The following AGPAT3 variants were observed in gnomAD, a reference collection of about 807,000 sequenced individuals.
AGPAT3 encodes the protein 1-acyl-sn-glycerol-3-phosphate acyltransferase gamma.
In AGPAT3, 5 loss-of-function variants were observed where a neutral mutation model predicts 47.3. The observed-to-expected ratio is 0.11, with a 90% confidence interval of 0.06 to 0.22. The LOEUF is 0.22. Among genes scored for constraint, AGPAT3 ranks in the 10% least tolerant of loss-of-function variants. The pLI is 1.00. For missense variants in AGPAT3, 315 were observed against 493.0 expected, an observed-to-expected ratio of 0.64 and a Z score of 3.42; for synonymous variants, 212 against 208.3, an observed-to-expected ratio of 1.02 and a Z score of -0.15.
At chr21:43,950,520 G>A (rs183792237) in intron 2 of AGPAT3, among the ~76,000 whole-genome samples, 28 of 152,262 alleles carry the variant, frequency 1.8e-4, no homozygotes, top group Admixed American at 3.3e-4. Context: ...TAGTATCTTC[G>A]CTGCTTACCA....
At chr21:43,944,621 C>T (rs2087802456) in intron 2 of AGPAT3, among the ~76,000 whole-genome samples, 1 of 152,250 alleles carries the variant, frequency 6.6e-6, no homozygotes, top group Non-Finnish European at 1.5e-5. Flanking sequence ...GTTCCTCAGA[C>T]AGGAGATGCA....
intron 2 of AGPAT3, among the ~76,000 whole-genome samples, chr21:43,923,899 C>T (rs2086971414): frequency 6.6e-6 from 1 of 152,174 alleles, no homozygotes; most frequent in Non-Finnish European, 1.5e-5. Context: ...TCCTGGAGGA[C>T]GGCAGGGGGC....
intron 8 of AGPAT3, 114 bp from the exon 9 acceptor site, chr21:43,980,875 C>A: frequency 1.0e-6 from 1 of 1,001,616 alleles, no homozygotes; most frequent in Non-Finnish European, 1.5e-6. Flanking sequence ...TCTTAATTGA[C>A]GTGGCGCTTT....
intron 2 of AGPAT3, among the ~76,000 whole-genome samples, chr21:43,929,517 C>T (rs1391367796): frequency 6.6e-6 from 1 of 152,228 alleles, no homozygotes; most frequent in Non-Finnish European, 1.5e-5. Flanking sequence ...ATGTGAAGGG[C>T]AAGTGGGATT....
At chr21:43,899,560 G>A (rs771430058) in intron 1 of AGPAT3, among the ~76,000 whole-genome samples, 7 of 152,182 alleles carry the variant, frequency 4.6e-5, no homozygotes, top group South Asian at 4.1e-4. Context: ...TACCGAGTGC[G>A]TTGGGGAGGG....
rs1027035401 is a variant in AGPAT3, at chr21:43,880,502, T to C, written c.-112+15157T>C. ...CCAGGAGCTCAGCTTTGATCTTGAG[T>C]GCTGGTGGCTGTCCAGCTTTACTGG... On this transcript the variant is annotated intron_variant, in intron 1 of 9. Coordinates refer to ENST00000291572, the MANE Select transcript of AGPAT3 (RefSeq NM_020132.5). This position sits in a 1 kb window ranked among gnomAD's most constrained non-coding sequence, Gnocchi z 4.5. Among the ~76,000 whole-genome samples, 2 of 152,236 alleles carry C rather than the reference T, an allele frequency of 1.3e-5. No homozygotes were observed. The highest frequency in any genetic ancestry group is 1.5e-5 in the Non-Finnish European group (1 of 68,050).
intron 2 of AGPAT3, among the ~76,000 whole-genome samples, chr21:43,925,951 C>T (rs2087040190): frequency 6.6e-6 from 1 of 152,366 alleles, no homozygotes; most frequent in East Asian, 1.9e-4. Flanking sequence ...AGCTGCCTGC[C>T]CAGGAGAAGC....
chr21:43,961,374 G>T (rs376821446), intron 3 of AGPAT3, among the ~76,000 whole-genome samples: 1 of 149,456 alleles, frequency 6.7e-6, no homozygotes, highest in Admixed American at 6.7e-5. Flanking sequence ...TTTGTCTCAC[G>T]TGAGAAATGG....
chr21:43,937,375 G>A lies in AGPAT3; in HGVS notation c.-48-22259G>A, dbSNP rs116264168. On this transcript the variant is annotated intron_variant, in intron 2 of 9. Coordinates refer to ENST00000291572, the MANE Select transcript of AGPAT3 (RefSeq NM_020132.5). ...AAGCCCCAGGGGTCAGCTCCTCTACGCTGGCCTTTGCTTGGCTTGGCGGAG... is the reference window on the plus strand; with the variant it reads ...AAGCCCCAGGGGTCAGCTCCTCTACACTGGCCTTTGCTTGGCTTGGCGGAG... Among the ~76,000 whole-genome samples the A allele has an allele frequency of 8.9e-3, 1,349 of 152,312 alleles. 17 individuals are homozygous for A. The highest frequency in any genetic ancestry group is 0.031 in the African/African-American group (1,278 of 41,552).
At chr21:43,889,244 A>T (rs1201098537) in intron 1 of AGPAT3, among the ~76,000 whole-genome samples, 1 of 151,120 alleles carries the variant, frequency 6.6e-6, no homozygotes, top group Admixed American at 6.6e-5. Context: ...CACCAAAGGG[A>T]AACCTTCCTT....
At position 43,920,287 on chromosome 21, in the gene AGPAT3, A is replaced by AGT. The variant is rs1292200405; in HGVS notation, c.-49+16278_-49+16279dup. On this transcript the variant is annotated intron_variant, in intron 2 of 9. Coordinates refer to ENST00000291572, the MANE Select transcript of AGPAT3 (RefSeq NM_020132.5). This position sits in a 1 kb window ranked among gnomAD's most constrained non-coding sequence, Gnocchi z 6.1. ...TAAAGCGTGAATGTGTCAGTGTGAGAGTGTGTGTGTGCGTGTGAGTGTTGA... is the reference window on the plus strand; with the variant it reads ...TAAAGCGTGAATGTGTCAGTGTGAGAGTGTGTGTGTGTGCGTGTGAGTGTTGA... Among the ~76,000 whole-genome samples the AGT allele has an allele frequency of 4.0e-5, 6 of 151,414 alleles. No homozygotes were observed. Among genetic ancestry groups the AGT allele is most frequent in the African/African-American group, 1.5e-4 (6 of 41,140 alleles).
chr21:43,918,203 G>GGTTGTGGGTGTTGCAGCGGTTGTGGGT (rs1555901875), intron 2 of AGPAT3, among the ~76,000 whole-genome samples: 4 of 139,762 alleles, frequency 2.9e-5, no homozygotes, highest in Admixed American at 2.2e-4. Context: ...GGGTTGTGGA[G>GGTTGTGGGTGTTGCAGCGGTTGTGGGT]GTTGTGGGTG....
intron 1 of AGPAT3, among the ~76,000 whole-genome samples, chr21:43,865,816 G>C (rs1362953887): frequency 2.6e-5 from 4 of 152,044 alleles, no homozygotes; most frequent in Non-Finnish European, 5.9e-5. Flanking sequence ...GCCTGGTTTC[G>C]GGGCGCGGCG....
At chr21:43,958,562 C>T (rs573718234) in intron 2 of AGPAT3, among the ~76,000 whole-genome samples, 10 of 137,814 alleles carry the variant, frequency 7.3e-5, no homozygotes, top group East Asian at 4.5e-4. Flanking sequence ...GTGTGTGGTG[C>T]GTGTGGCGTG....
intron 1 of AGPAT3, among the ~76,000 whole-genome samples, chr21:43,900,395 G>T (rs1032375028): frequency 1.4e-4 from 22 of 152,224 alleles, no homozygotes; most frequent in Non-Finnish European, 2.8e-4. Flanking sequence ...GACACTGGTG[G>T]CAGGCCGTGT....
chr21:43,960,805 TAAG>T, intron 3 of AGPAT3: 1 of 979,094 alleles, frequency 1.0e-6, no homozygotes, highest in Non-Finnish European at 1.2e-6. Context: ...TTTTGTGTCT[TAAG>T]AAAGGATGCT....
At chr21:43,913,386 AC>A (rs1224296518) in intron 2 of AGPAT3, among the ~76,000 whole-genome samples, 2 of 152,060 alleles carry the variant, frequency 1.3e-5, no homozygotes, top group Non-Finnish European at 2.9e-5. Context: ...GAAGTTTGAG[AC>A]CAGCCTGGGC....
intron 2 of AGPAT3, among the ~76,000 whole-genome samples, chr21:43,936,115 GC>G (rs1243096066): frequency 6.6e-6 from 1 of 152,238 alleles, no homozygotes; most frequent in African/African-American, 2.4e-5. Context: ...TGGTCAATCT[GC>G]TCACTTCAAA....
intron 2 of AGPAT3, among the ~76,000 whole-genome samples, chr21:43,927,302 T>C (rs1402626325): frequency 6.6e-6 from 1 of 152,210 alleles, no homozygotes; most frequent in Non-Finnish European, 1.5e-5. Flanking sequence ...ATTTATAAAT[T>C]TACAAAATCT....
Sources: gnomAD v4.1 joint callset for allele counts (sites outside exome capture counted in the v4.1 genomes callset) on GRCh38, gnomAD v4.1.1 for gene constraint, Gnocchi (gnomAD v3.1) non-coding constraint, MANE v1.5 for transcripts, NCBI Gene and HGNC (gene_info 2026-07-23, HGNC 2026-07-21) for gene names.